Variants in C3orf70 observed in about 807,000 individuals in gnomAD.
The protein encoded by C3orf70 is UPF0524 protein C3orf70.
Under a neutral mutation model 20.7 loss-of-function variants are expected in C3orf70, and 15 were observed. That is an observed-to-expected ratio of 0.72 (90% CI 0.48 to 1.11). C3orf70 has a LOEUF of 1.11. Ranked by LOEUF, C3orf70 falls within the 50% of genes most tolerant of loss-of-function variation. The pLI is 0.00. For missense variants in C3orf70, 332 were observed against 317.6 expected, an observed-to-expected ratio of 1.05 and a Z score of -0.34; for synonymous variants, 161 against 125.7, an observed-to-expected ratio of 1.28 and a Z score of -1.88.
chr3:185,114,938 T>TA (rs1716145656), intron 1 of C3orf70, among the ~76,000 whole-genome samples: 1 of 152,252 alleles, frequency 6.6e-6, no homozygotes, highest in Non-Finnish European at 1.5e-5. Flanking sequence ...ATTCTTACTC[T>TA]AACTTTCACT....
At chr3:185,115,995 G>A (rs1405085799) in intron 1 of C3orf70, among the ~76,000 whole-genome samples, 2 of 152,176 alleles carry the variant, frequency 1.3e-5, no homozygotes, top group East Asian at 3.8e-4. Context: ...GACGGTGGGG[G>A]ACCAAACATT....
At chr3:185,105,641 A>C (rs538898026) in intron 1 of C3orf70, among the ~76,000 whole-genome samples, 1 of 151,952 alleles carries the variant, frequency 6.6e-6, no homozygotes, top group Non-Finnish European at 1.5e-5. Flanking sequence ...TCACACCTCT[A>C]TATTTCTCTG....
intron 1 of C3orf70, among the ~76,000 whole-genome samples, chr3:185,121,922 A>G (rs1168804208): frequency 6.6e-6 from 1 of 152,152 alleles, no homozygotes; most frequent in Non-Finnish European, 1.5e-5. Flanking sequence ...ACACAGTGAA[A>G]CCCCATCTCT....
intron 1 of C3orf70, among the ~76,000 whole-genome samples, chr3:185,136,939 C>T (rs909471135): frequency 1.8e-5 from 2 of 109,512 alleles, no homozygotes; most frequent in Non-Finnish European, 4.5e-5. Flanking sequence ...ACAACAACAA[C>T]AACAACAACA....
chr3:185,101,817 G>T (rs1438525918), intron 1 of C3orf70, among the ~76,000 whole-genome samples: 3 of 152,138 alleles, frequency 2.0e-5, no homozygotes. Context: ...TGAGATTTGG[G>T]TGGGGGCACA....
At position 185,083,555 on chromosome 3, in the gene C3orf70, T is replaced by C. The variant is rs377212612; in HGVS notation, c.205A>G (p.Met69Val). 1.7e-5 allele frequency: 27 copies of C among 1,582,416 alleles called. No individual in the cohort carries two copies. The highest frequency in any genetic ancestry group is 2.2e-5 in the Non-Finnish European group (26 of 1,165,324). The change falls in exon 2 of 2, where the codon ATG (methionine) becomes GTG (valine). Residue 69 changes from methionine to valine, a missense_variant. Physicochemically the swap from Met to Val is conservative, Grantham distance 21. Coordinates refer to ENST00000335012, the MANE Select transcript of C3orf70 (RefSeq NM_001025266.3). ...TCCACAGGGGTCATAGGCTGATACA[T>C]GTATTTGCCTGTGAAGACACAAAAA... ...CHLGWCHCKY[M>V]YQPMTPVEQL...
chr3:185,093,676 G>T (rs1232388119), intron 1 of C3orf70, among the ~76,000 whole-genome samples: 1 of 152,070 alleles, frequency 6.6e-6, no homozygotes, highest in African/African-American at 2.4e-5. Context: ...GGCTGGAAGG[G>T]CTAGAAAAGG....
Position 185,085,890 on chromosome 3 carries a change from G to A in C3orf70, c.197-2327C>T, listed in dbSNP as rs560008136. On this transcript the variant is annotated intron_variant, in intron 1 of 1. Coordinates refer to ENST00000335012, the MANE Select transcript of C3orf70 (RefSeq NM_001025266.3). ...CTGGGGAACTACTCTTCTGTCCACAGAGTGGTAAATAAAACGCGGAATGAA... is the reference window on the plus strand; with the variant it reads ...CTGGGGAACTACTCTTCTGTCCACAAAGTGGTAAATAAAACGCGGAATGAA... Among the ~76,000 whole-genome samples the A allele has an allele frequency of 3.3e-5, 5 of 152,312 alleles. No individual in the cohort carries two copies. In the South Asian group the frequency reaches 1.0e-3, roughly 32 times the overall value.
intron 1 of C3orf70, among the ~76,000 whole-genome samples, chr3:185,105,477 G>A (rs1016030927): frequency 1.3e-5 from 2 of 152,154 alleles, no homozygotes; most frequent in Non-Finnish European, 1.5e-5. Flanking sequence ...CCTTTCATTC[G>A]GCCCATCCCT....
intron 1 of C3orf70, among the ~76,000 whole-genome samples, chr3:185,136,840 G>C (rs1311924196): frequency 6.6e-6 from 1 of 152,088 alleles, no homozygotes; most frequent in African/African-American, 2.4e-5. Flanking sequence ...AACCCAGGAG[G>C]TGGAGGTCGC....
At chr3:185,115,152 AT>A (rs1221953984) in intron 1 of C3orf70, among the ~76,000 whole-genome samples, 6 of 152,116 alleles carry the variant, frequency 3.9e-5, no homozygotes, top group Admixed American at 3.9e-4. Context: ...TCTGGCATAT[AT>A]TTTTTTAAAA....
intron 1 of C3orf70, among the ~76,000 whole-genome samples, chr3:185,096,996 TGGGTATTCTCCCAA>T (rs974229676): frequency 3.3e-5 from 5 of 152,142 alleles, no homozygotes; most frequent in African/African-American, 4.8e-5. Flanking sequence ...TGTCTTTCCT[TGGGTATTCTCCCAA>T]GGCCCTGGGG....
intron 1 of C3orf70, among the ~76,000 whole-genome samples, chr3:185,105,265 ATC>A (rs1257478831): frequency 6.6e-6 from 1 of 152,232 alleles, no homozygotes; most frequent in East Asian, 1.9e-4. Context: ...CATACACAAA[ATC>A]TCTGCAGCAC....
chr3:185,123,040 T>C (rs1577329210), intron 1 of C3orf70, among the ~76,000 whole-genome samples: 3 of 151,376 alleles, frequency 2.0e-5, no homozygotes, highest in Admixed American at 2.0e-4. Flanking sequence ...TAGCCAGGCA[T>C]GGTGGCACAC....
intron 1 of C3orf70, among the ~76,000 whole-genome samples, chr3:185,125,904 C>T (rs910882566): frequency 2.0e-5 from 3 of 152,114 alleles, no homozygotes; most frequent in Non-Finnish European, 4.4e-5. Context: ...GATGGGAATA[C>T]ATGACTGACT....
intron 1 of C3orf70, among the ~76,000 whole-genome samples, chr3:185,152,135 GA>G (rs1430743845): frequency 6.6e-6 from 1 of 152,122 alleles, no homozygotes; most frequent in Non-Finnish European, 1.5e-5. Flanking sequence ...AATCAAGGGG[GA>G]AACAATTGGA....
chr3:185,086,413 G>A (rs1324918380), intron 1 of C3orf70, among the ~76,000 whole-genome samples: 1 of 152,122 alleles, frequency 6.6e-6, no homozygotes, highest in Non-Finnish European at 1.5e-5. Flanking sequence ...GAGTACTTAG[G>A]TTTAGATGAG....
At chr3:185,114,325 AGTAATTATTCAGATAT>A (rs1716134709) in intron 1 of C3orf70, among the ~76,000 whole-genome samples, 1 of 152,232 alleles carries the variant, frequency 6.6e-6, no homozygotes, top group Non-Finnish European at 1.5e-5. Flanking sequence ...AAAGGAGTCA[AGTAATTATTCAGATAT>A]GTGAACATAT....
chr3:185,104,517 C>T (rs934963711), intron 1 of C3orf70, among the ~76,000 whole-genome samples: 2 of 152,158 alleles, frequency 1.3e-5, no homozygotes, highest in Middle Eastern at 3.2e-3. Flanking sequence ...CATAAAGACA[C>T]ATGCATGCAT....
Sources: allele counts gnomAD v4.1 joint callset (sites outside exome capture counted in the v4.1 genomes callset), GRCh38; gene constraint gnomAD v4.1.1; transcripts MANE v1.5; gene names NCBI Gene and HGNC (gene_info 2026-07-23, HGNC 2026-07-21).